Variants in CASTOR2 observed in about 807,000 individuals in gnomAD.
The protein encoded by CASTOR2 is cytosolic arginine sensor for mTORC1 subunit 2.
In CASTOR2, 8 loss-of-function variants were observed where a neutral mutation model predicts 31.2. The ratio of observed to expected loss-of-function variants is 0.26; its 90% CI spans 0.15 to 0.46. The LOEUF (loss-of-function observed/expected upper bound fraction) is 0.46. Among genes scored for constraint, CASTOR2 ranks in the 20% least tolerant of loss-of-function variants. CASTOR2 has a pLI of 0.99. For missense variants in CASTOR2, 216 were observed against 382.1 expected, an observed-to-expected ratio of 0.57 and a Z score of 3.62; for synonymous variants, 162 against 158.7, an observed-to-expected ratio of 1.02 and a Z score of -0.16.
chr7:74,991,766 A>C (rs1250844142), intron 1 of CASTOR2, among the ~76,000 whole-genome samples: 3 of 151,986 alleles, frequency 2.0e-5, no homozygotes, highest in Admixed American at 2.0e-4. Flanking sequence ...AGGATATGGC[A>C]CACTAAGGAA....
rs1394136872 is a variant in CASTOR2 at position 75,025,225 on chromosome 7, C to T, written c.*526C>T. 6.6e-6 allele frequency among the ~76,000 whole-genome samples: 1 copy of T among 152,234 alleles called. No homozygotes were observed. Among genetic ancestry groups the T allele is most frequent in the Non-Finnish European group, 1.5e-5 (1 of 68,032 alleles). Reference sequence around the variant, plus strand: ...CTCGGAGTGGAGGCCAGCGTGGCCCCCTCAGGTCATCGGGGCTGGTGAGGC... The same window carrying T: ...CTCGGAGTGGAGGCCAGCGTGGCCCTCTCAGGTCATCGGGGCTGGTGAGGC... On this transcript the variant is annotated 3_prime_UTR_variant, in exon 9 of 9. Transcript: ENST00000616305.
intron 1 of CASTOR2, among the ~76,000 whole-genome samples, chr7:74,993,800 T>A (rs1584466051): frequency 2.1e-5 from 3 of 140,854 alleles, no homozygotes; most frequent in Non-Finnish European, 4.6e-5. Flanking sequence ...TGCCACAGAT[T>A]AAAAAAAAAA....
chr7:74,972,702 C>G (rs587746367), intron 1 of CASTOR2, among the ~76,000 whole-genome samples: 1 of 150,666 alleles, frequency 6.6e-6, no homozygotes, highest in African/African-American at 2.4e-5. Flanking sequence ...GTTTTTGAGA[C>G]AGAGTCTTGC....
chr7:74,967,528 C>T (rs1434372151), intron 1 of CASTOR2, among the ~76,000 whole-genome samples: 1 of 138,952 alleles, frequency 7.2e-6, no homozygotes, highest in African/African-American at 2.6e-5. Flanking sequence ...CCCTGTGCCA[C>T]CTGTTTACTT....
Position 74,997,737 on chromosome 7 carries a change from G to GT in CASTOR2, c.114-10245dup, listed in dbSNP as rs1249196075. Among the ~76,000 whole-genome samples the GT allele has an allele frequency of 8.6e-3, 1,228 of 142,412 alleles. 11 individuals carry two copies. The highest frequency in any genetic ancestry group is 0.014 in the African/African-American group (547 of 39,234). The allele number at this position is 142,412 out of a possible 152,430, so 93.4% of individuals were successfully genotyped here. On this transcript the variant is annotated intron_variant, in intron 1 of 8. Transcript: ENST00000616305. Reference sequence around the variant, plus strand: ...CCACTGTGCCTGACCAGGTGTTTTTGTTTTTTTTTTTTAATCATAGGTACT... The same window carrying GT: ...CCACTGTGCCTGACCAGGTGTTTTTGTTTTTTTTTTTTTAATCATAGGTACT...
intron 2 of CASTOR2, among the ~76,000 whole-genome samples, chr7:75,011,181 C>T (rs1554439335): frequency 6.6e-6 from 1 of 151,880 alleles, no homozygotes; most frequent in East Asian, 1.9e-4. Context: ...ACAATCCCAG[C>T]ACTTTGTGAG....
At position 75,030,661 on chromosome 7, in the gene CASTOR2, A is replaced by G. The variant is rs963870239; in HGVS notation, c.*5962A>G. Among the ~76,000 whole-genome samples the G allele has an allele frequency of 4.6e-5, 7 of 152,138 alleles. No individual in the cohort carries two copies. Among genetic ancestry groups the G allele is most frequent in the South Asian group, 2.1e-4 (1 of 4,830 alleles). On this transcript the variant is annotated 3_prime_UTR_variant, in exon 9 of 9. Transcript: ENST00000616305. ...ACAGGGCTGCTTGAGTGTCTTCACA[A>G]TATGGCGCTCGGCTTCCCCCCAGAG... is the stretch of plus-strand genomic sequence containing the variant.
chr7:75,020,913 C>T (rs1804983751), intron 6 of CASTOR2, among the ~76,000 whole-genome samples: 1 of 152,192 alleles, frequency 6.6e-6, no homozygotes, highest in Non-Finnish European at 1.5e-5. Flanking sequence ...CCACATGTCT[C>T]AGCCTCCTGA....
At chr7:74,977,266 T>A (rs1392853111) in intron 1 of CASTOR2, among the ~76,000 whole-genome samples, 1 of 151,264 alleles carries the variant, frequency 6.6e-6, no homozygotes, top group Non-Finnish European at 1.5e-5. Context: ...AGGTTTTCTC[T>A]TATAACAGAT....
intron 1 of CASTOR2, among the ~76,000 whole-genome samples, chr7:75,003,495 A>G (rs1324733541): frequency 6.6e-6 from 1 of 151,926 alleles, no homozygotes. Flanking sequence ...TCACGCCTAT[A>G]ATCCCAGCAC....
chr7:75,021,755 A>C, intron 6 of CASTOR2, 119 bp from the exon 7 acceptor site: 1 of 1,237,588 alleles, frequency 8.1e-7, no homozygotes, highest in Non-Finnish European at 1.2e-6. Context: ...GGGGGCCCTG[A>C]GGTCTGCCCA....
intron 2 of CASTOR2, among the ~76,000 whole-genome samples, chr7:75,008,770 C>T (rs1804662570): frequency 6.6e-6 from 1 of 152,116 alleles, no homozygotes; most frequent in African/African-American, 2.4e-5. Context: ...AGAATTCAAG[C>T]AACACTTGAA....
At chr7:74,995,632 C>A (rs1804326533) in intron 1 of CASTOR2, among the ~76,000 whole-genome samples, 1 of 151,662 alleles carries the variant, frequency 6.6e-6, no homozygotes, top group East Asian at 1.9e-4. Context: ...ACAGTGAAAC[C>A]CTGTCTCTAC....
chr7:75,009,392 C>T (rs1163776688), intron 2 of CASTOR2, among the ~76,000 whole-genome samples: 4 of 149,616 alleles, frequency 2.7e-5, no homozygotes, highest in African/African-American at 7.4e-5. Flanking sequence ...CTCAGTCTCC[C>T]GAGTAGCTGG....
intron 2 of CASTOR2, among the ~76,000 whole-genome samples, chr7:75,014,419 C>CAAAAAAAAAAAAAAAA (rs1193842037): frequency 7.0e-5 from 4 of 57,552 alleles, no homozygotes; most frequent in African/African-American, 1.7e-4. Flanking sequence ...ACTAAAAATA[C>CAAAAAAAAAAAAAAAA]AAAAAAAAAA....
Position 74,975,134 on chromosome 7 carries a change from A to AT in CASTOR2, c.113+10042dup, listed in dbSNP as rs1389620291. 2.7e-5 allele frequency among the ~76,000 whole-genome samples: 4 copies of AT among 150,570 alleles called. 1 individual carries two copies. Among genetic ancestry groups the AT allele is most frequent in the African/African-American group, 9.8e-5 (4 of 40,940 alleles). On this transcript the variant is annotated intron_variant, in intron 1 of 8. Coordinates refer to ENST00000616305, the MANE Select transcript of CASTOR2 (RefSeq NM_001145064.3). ...CAAGTACCACCACCATGCTCAGCTAATTTTTTGTATTTTTAATTTAGATGG... is the reference window on the plus strand; with the variant it reads ...CAAGTACCACCACCATGCTCAGCTAATTTTTTTGTATTTTTAATTTAGATGG...
chr7:75,015,936 G>T (rs1274617521), intron 2 of CASTOR2, among the ~76,000 whole-genome samples: 2,634 of 152,196 alleles, frequency 0.017, 85 homozygotes, highest in African/African-American at 0.059. Context: ...GCATGATGTT[G>T]GGTGCCTCTA....
intron 2 of CASTOR2, 133 bp downstream of exon 2, chr7:75,008,197 T>C: frequency 1.7e-6 from 2 of 1,174,164 alleles, no homozygotes; most frequent in Non-Finnish European, 1.3e-6. Flanking sequence ...TCTGCCCTCA[T>C]CTGCTGGTCA....
intron 1 of CASTOR2, among the ~76,000 whole-genome samples, chr7:74,998,173 G>A (rs1271116118): frequency 6.6e-6 from 1 of 152,058 alleles, no homozygotes; most frequent in Non-Finnish European, 1.5e-5. Context: ...ACTAAGCTTC[G>A]GTTTTCCCGT....
Sources: gnomAD v4.1 joint callset for allele counts (sites outside exome capture counted in the v4.1 genomes callset) on GRCh38, gnomAD v4.1.1 for gene constraint, MANE v1.5 for transcripts, NCBI Gene and HGNC (gene_info 2026-07-23, HGNC 2026-07-21) for gene names.